PTPRK: variants seen among roughly 807,000 people sequenced by gnomAD.
PTPRK encodes receptor-type tyrosine-protein phosphatase kappa.
A neutral mutation model predicts 178.0 loss-of-function variants in PTPRK; 75 were observed. The ratio of observed to expected loss-of-function variants is 0.42; its 90% CI spans 0.35 to 0.51. The LOEUF is 0.51. Ranked by LOEUF, PTPRK falls within the 20% of genes least tolerant of loss-of-function variation. PTPRK has a pLI of 0.02. For missense variants in PTPRK, 1,441 were observed against 1,797.8 expected (o/e 0.80, Z 3.59); for synonymous variants, 637 against 620.6 (o/e 1.03, Z -0.39).
chr6:128,344,630 C>T (rs187082727), intron 2 of PTPRK, among the ~76,000 whole-genome samples: 230 of 152,194 alleles, frequency 1.5e-3, no homozygotes, highest in Non-Finnish European at 2.3e-3. Flanking sequence ...ATCCTCCCAA[C>T]TCAGTCTCCC....
chr6:128,212,671 C>T (rs1239789486), intron 6 of PTPRK, among the ~76,000 whole-genome samples: 2 of 151,994 alleles, frequency 1.3e-5, no homozygotes, highest in Admixed American at 6.6e-5. Flanking sequence ...TTTTCAAATT[C>T]TTAAGACGAA....
intron 2 of PTPRK, among the ~76,000 whole-genome samples, chr6:128,384,714 C>G (rs1268734266): frequency 6.6e-6 from 1 of 151,814 alleles, no homozygotes. Context: ...ACATTGAATA[C>G]AAGGCAATCG....
At chr6:128,355,637 G>T (rs1833849176) in intron 2 of PTPRK, among the ~76,000 whole-genome samples, 1 of 152,100 alleles carries the variant, frequency 6.6e-6, no homozygotes, top group African/African-American at 2.4e-5. Flanking sequence ...CACACACCGG[G>T]GCCTGTTGTG....
chr6:127,986,526 T>C (rs920688557), intron 21 of PTPRK, among the ~76,000 whole-genome samples: 9 of 152,220 alleles, frequency 5.9e-5, no homozygotes, highest in African/African-American at 2.2e-4. Flanking sequence ...TGCTCTCCTA[T>C]TGGGTTAATT....
chr6:128,108,083 C>T (rs963368900), intron 7 of PTPRK, among the ~76,000 whole-genome samples: 1 of 149,988 alleles, frequency 6.7e-6, no homozygotes, highest in Non-Finnish European at 1.5e-5. Context: ...CACACACACA[C>T]ACACACACAC....
intron 6 of PTPRK, among the ~76,000 whole-genome samples, chr6:128,215,911 A>C (rs1193891219): frequency 6.6e-6 from 1 of 152,082 alleles, no homozygotes; most frequent in Non-Finnish European, 1.5e-5. Context: ...CAGCACAGTT[A>C]ATTCTCAGCA....
chr6:128,185,936 T>C (rs1802684059), intron 6 of PTPRK, among the ~76,000 whole-genome samples: 1 of 152,142 alleles, frequency 6.6e-6, no homozygotes, highest in Admixed American at 6.6e-5. Flanking sequence ...AATGTTCAGG[T>C]GCAGACCAGG....
Position 128,067,541 on chromosome 6 carries a change from T to C in PTPRK, c.2135A>G (p.Gln712Arg). The change falls in exon 12 of 30, where the codon CAG becomes CGG. Residue 712 changes from glutamine (Q) to arginine (R), a missense_variant. Coordinates refer to ENST00000368226, the MANE Select transcript of PTPRK (RefSeq NM_002844.4). ...CACCTTCTCCACACTGCTCATCGCC[T>C]GGAAATAGATGTTGTATCCTTTGCG... ...APRKGYNIYF[Q>R]AMSSVEKETK... The C allele has an allele frequency of 1.9e-6, 3 of 1,571,864 alleles. No individual in the cohort carries two copies. The highest frequency in any genetic ancestry group is 2.6e-6 in the Non-Finnish European group (3 of 1,152,596).
At chr6:128,236,094 T>C (rs1813207887) in intron 5 of PTPRK, among the ~76,000 whole-genome samples, 1 of 152,104 alleles carries the variant, frequency 6.6e-6, no homozygotes, top group African/African-American at 2.4e-5. Flanking sequence ...GTACTATGTG[T>C]GGTTTCAGGC....
At chr6:128,353,159 C>G (rs1239275126) in intron 2 of PTPRK, among the ~76,000 whole-genome samples, 1 of 152,064 alleles carries the variant, frequency 6.6e-6, no homozygotes, top group Non-Finnish European at 1.5e-5. Flanking sequence ...GAAACGCAAA[C>G]TAAAATTTCA....
chr6:128,216,101 AAAAT>A (rs1445164905), intron 6 of PTPRK, among the ~76,000 whole-genome samples: 4 of 152,242 alleles, frequency 2.6e-5, no homozygotes, highest in African/African-American at 4.8e-5. Context: ...TGTTGAAAGA[AAAAT>A]AAAATTGTCA....
At chr6:128,195,947 CAT>C (rs1383381783) in intron 6 of PTPRK, among the ~76,000 whole-genome samples, 5 of 152,168 alleles carry the variant, frequency 3.3e-5, no homozygotes, top group Middle Eastern at 3.4e-3. Context: ...AAAAAACAAT[CAT>C]GTGTCTTATT....
At chr6:128,292,453 A>G (rs991806742) in intron 3 of PTPRK, among the ~76,000 whole-genome samples, 1 of 152,118 alleles carries the variant, frequency 6.6e-6, no homozygotes, top group Non-Finnish European at 1.5e-5. Flanking sequence ...TATCAAAACT[A>G]AAAATTAATA....
At chr6:128,275,112 A>C (rs1403105364) in intron 3 of PTPRK, among the ~76,000 whole-genome samples, 1 of 152,012 alleles carries the variant, frequency 6.6e-6, no homozygotes, top group Non-Finnish European at 1.5e-5. Context: ...ACACACTTTC[A>C]TTTTAATCAT....
chr6:128,354,512 G>A (rs866522064), intron 2 of PTPRK, among the ~76,000 whole-genome samples: 3 of 152,124 alleles, frequency 2.0e-5, no homozygotes, highest in African/African-American at 4.8e-5. Context: ...TGGGATTACA[G>A]GCGTGAGCCA....
chr6:127,998,680 G>A, intron 16 of PTPRK, 40 bp downstream of exon 16: 2 of 1,489,090 alleles, frequency 1.3e-6, no homozygotes, highest in South Asian at 1.4e-5. Context: ...GAGTATCATA[G>A]TTAAAAATCA....
chr6:128,322,375 A>C, intron 2 of PTPRK, 65 bp from the exon 3 acceptor site: 2 of 1,410,592 alleles, frequency 1.4e-6, no homozygotes, highest in Non-Finnish European at 2.0e-6. Context: ...TATAACAATA[A>C]AAATATGCTA....
intron 1 of PTPRK, among the ~76,000 whole-genome samples, chr6:128,483,071 T>C: frequency 6.6e-6 from 1 of 152,170 alleles, no homozygotes; most frequent in East Asian, 1.9e-4. Context: ...ACAGAAGCCC[T>C]CAACAGTGTA....
chr6:128,504,718 C>T (rs1562657067), intron 1 of PTPRK, among the ~76,000 whole-genome samples: 1 of 152,078 alleles, frequency 6.6e-6, no homozygotes, highest in East Asian at 1.9e-4. Flanking sequence ...TGGGTTTGTC[C>T]GATACCCTAG....
Sources: allele counts gnomAD v4.1 joint callset (sites outside exome capture counted in the v4.1 genomes callset), GRCh38; gene constraint gnomAD v4.1.1; transcripts MANE v1.5; gene names NCBI Gene and HGNC (gene_info 2026-07-23, HGNC 2026-07-21).